The following GPR75 variants were observed in gnomAD, a reference collection of about 807,000 sequenced individuals.
The protein encoded by GPR75 is probable G protein-coupled receptor 75.
A neutral mutation model predicts 26.0 loss-of-function variants in GPR75; 27 were observed. The ratio of observed to expected loss-of-function variants is 1.04; its 90% CI spans 0.77 to 1.43. The LOEUF (loss-of-function observed/expected upper bound fraction) is 1.43. Ranked by LOEUF, GPR75 falls within the 40% of genes most tolerant of loss-of-function variation. The pLI is 0.00. For missense variants in GPR75, 699 were observed against 662.3 expected (o/e 1.06, Z -0.61); for synonymous variants, 285 against 256.3 (o/e 1.11, Z -1.07).
chr2:53,853,992 G>A lies in GPR75; in HGVS notation c.765C>T (p.Val255=). Residue 255 remains valine (V), a synonymous_variant, in exon 2 of 2, where the codon GTC becomes GTT. Coordinates refer to ENST00000394705, the MANE Select transcript of GPR75 (RefSeq NM_006794.4). ...DASRPQPFMG[V]PVQGGGDPIQ... is the part of the protein sequence containing the mutation. ...TGGGATCTCCACCTCCCTGCACAGG[G>A]ACCCCCATGAAAGGCTGTGGTCTGG... The A allele has an allele frequency of 1.2e-6, 2 of 1,614,172 alleles. No homozygotes were observed. Among genetic ancestry groups the A allele is most frequent in the South Asian group, 1.1e-5 (1 of 91,084 alleles).
chr2:53,858,172 C>G (rs951479357), intron 1 of GPR75, among the ~76,000 whole-genome samples: 1 of 152,064 alleles, frequency 6.6e-6, no homozygotes, highest in African/African-American at 2.4e-5. Context: ...CCATGCTAAC[C>G]CGAACAACAA....
In GPR75 at chr2:53,853,088, T is replaced by C; in HGVS notation, c.*46A>G. 2 of 1,389,270 alleles carry C rather than the reference T, an allele frequency of 1.4e-6. No individual in the cohort carries two copies. The highest frequency in any genetic ancestry group is 2.0e-6 in the Non-Finnish European group (2 of 1,000,362). 86.1% of individuals were successfully genotyped at this position (1,389,270 alleles called of 1,614,324 possible). A position where few individuals can be genotyped will look rare whatever the true frequency, so the allele number is the denominator to read the frequency against. The stretch of plus-strand genomic sequence containing the variant: ...CAAGTTAGAATAAAGTCCATTACTA[T>C]CAGAAACAAAAACTGTTTACATAAG... On this transcript the variant is annotated 3_prime_UTR_variant, in exon 2 of 2. Coordinates refer to ENST00000394705, the MANE Select transcript of GPR75 (RefSeq NM_006794.4).
chr2:53,854,099 C>A lies in GPR75; in HGVS notation c.658G>T (p.Val220Phe). ...DFTFCVAVVS[V>F]SYIMIAQTLR... Reference sequence around the variant, plus strand: ...GTCTGAGCAATCATGATGTAAGAGACAGAGACCACAGCAACACAGAAGGTG... The same window carrying A: ...GTCTGAGCAATCATGATGTAAGAGAAAGAGACCACAGCAACACAGAAGGTG... Residue 220 changes from valine to phenylalanine, a missense_variant, in exon 2 of 2, where the codon GTC becomes TTC. Physicochemically the swap from Val to Phe is conservative, Grantham distance 50. Coordinates refer to ENST00000394705, the MANE Select transcript of GPR75 (RefSeq NM_006794.4). 1.2e-6 allele frequency: 2 copies of A among 1,614,140 alleles called. No homozygotes were observed. Among genetic ancestry groups the A allele is most frequent in the Non-Finnish European group, 1.7e-6 (2 of 1,180,018 alleles).
chr2:53,854,430 T>G lies in GPR75; in HGVS notation c.327A>C (p.Ser109=). The change falls in exon 2 of 2, where the codon TCA becomes TCC. Residue 109 remains serine (S), a synonymous_variant. Transcript: ENST00000394705. ...AGAAAGCATCCGGGATACTACTGGC[T>G]GAGCTGAAGAATAACACAAAGGTGA... The part of the protein sequence containing the change: ...PMFTFVLFFS[S]ASSIPDAFCF... The G allele has an allele frequency of 6.2e-7, 1 of 1,614,106 alleles. No individual in the cohort carries two copies. The highest frequency in any genetic ancestry group is 8.5e-7 in the Non-Finnish European group (1 of 1,179,968).
rs148313770 is a variant in GPR75 at position 53,853,623 on chromosome 2, C to G, written c.1134G>C (p.Arg378=). The change falls in exon 2 of 2, where the codon CGG becomes CGC. Residue 378 remains arginine (R), a synonymous_variant. Transcript: ENST00000394705. ...CTTTCCTTCTCAGCCCTGCACTGTT[C>G]CGAGAATATATAAAAGGGTTTAATC... The part of the protein sequence containing the change: ...KSGLNPFIYS[R]NSAGLRRKVL... 13 of 1,613,808 alleles carry G rather than the reference C, an allele frequency of 8.1e-6. No individual in the cohort carries two copies. Among genetic ancestry groups the G allele is most frequent in the African/African-American group, 1.3e-5 (1 of 74,866 alleles).
Position 53,853,454 on chromosome 2 carries a change from G to C in GPR75, c.1303C>G (p.Pro435Ala). 6.2e-7 allele frequency: 1 copy of C among 1,614,114 alleles called. No homozygotes were observed. Among genetic ancestry groups the C allele is most frequent in the Non-Finnish European group, 8.5e-7 (1 of 1,179,998 alleles). ...HETNSAYMLS[P>A]KPQKKFVDQA... is the part of the protein sequence containing the mutation. The stretch of plus-strand genomic sequence containing the variant: ...TCCACAAATTTCTTCTGTGGCTTTG[G>C]AGATAACATGTAGGCAGAGTTTGTT... The change falls in exon 2 of 2, where the codon CCA becomes GCA. Residue 435 changes from proline (P) to alanine (A), a missense_variant. Coordinates refer to ENST00000394705, the MANE Select transcript of GPR75 (RefSeq NM_006794.4).
chr2:53,854,505 CAGG>C lies in GPR75; in HGVS notation c.249_251del (p.Ile83_Leu84delinsMet). The stretch of plus-strand genomic sequence containing the variant: ...TGAAGAGGTCACAGAAGGACAGGTT[CAGG>C]ATCATGAAATCAAAGTTGGTTCTGA... On this transcript the variant is annotated inframe_deletion, in exon 2 of 2. Coordinates refer to ENST00000394705, the MANE Select transcript of GPR75 (RefSeq NM_006794.4). 6.2e-7 allele frequency: 1 copy of C among 1,614,096 alleles called. No individual in the cohort carries two copies. The highest frequency in any genetic ancestry group is 8.5e-7 in the Non-Finnish European group (1 of 1,180,006).
At chr2:53,859,262 A>G (rs1448302178) in intron 1 of GPR75, among the ~76,000 whole-genome samples, 1 of 152,032 alleles carries the variant, frequency 6.6e-6, no homozygotes, top group Non-Finnish European at 1.5e-5. Context: ...TCTATCGATC[A>G]GGAAAACCTC....
Position 53,853,569 on chromosome 2 carries a change from C to G in GPR75, c.1188G>C (p.Leu396=), listed in dbSNP as rs751889166. 4.3e-6 allele frequency: 7 copies of G among 1,614,168 alleles called. No homozygotes were observed. The Admixed American group carries it at 5.0e-5, about 12-fold the overall frequency. Residue 396 remains leucine (L), a synonymous_variant, in exon 2 of 2, where the codon CTG becomes CTC. Transcript: ENST00000394705. ...KVLWCLQYIG[L]GFFCCKQKTR... ...TCTTTTGTTTGCAGCAGAAAAAACC[C>G]AGGCCTATGTATTGGAGGCACCAGA... is the stretch of plus-strand genomic sequence containing the variant.
chr2:53,855,025 T>C (rs1359006416), intron 1 of GPR75, among the ~76,000 whole-genome samples, 160 bp from the exon 2 acceptor site: 1 of 152,184 alleles, frequency 6.6e-6, no homozygotes, highest in Non-Finnish European at 1.5e-5. Context: ...CTTACCATGT[T>C]GCCCAGGCTG....
At position 53,854,731 on chromosome 2, in the gene GPR75, T is replaced by A. The variant is rs953013906; in HGVS notation, c.26A>T (p.Asp9Val). 7 of 1,613,626 alleles carry A rather than the reference T, an allele frequency of 4.3e-6. No homozygotes were observed. The highest frequency in any genetic ancestry group is 1.7e-5 in the Admixed American group (1 of 60,000). Reference protein sequence around the residue: MNSTGHLQDAPNATSLHVP... With the variant: MNSTGHLQVAPNATSLHVP... ...ATGGAGCGAGGTGGCATTGGGGGCA[T>A]CCTGAAGGTGGCCTGTTGAGTTCAT... Residue 9 changes from aspartate (D) to valine (V), a missense_variant, in exon 2 of 2, where the codon GAT (aspartate) becomes GTT (valine). Asp to Val is a radical substitution (Grantham distance 152). Transcript: ENST00000394705.
Position 53,853,132 on chromosome 2 carries a change from C to G in GPR75, c.*2G>C, listed in dbSNP as rs1678131397. On this transcript the variant is annotated 3_prime_UTR_variant, in exon 2 of 2. Transcript: ENST00000394705. ...ACATAAGATCCTATAGCCTCCATGA[C>G]TTTAAACGGAGGGGACTGGAATCTG... 1 of 1,608,006 alleles carries G rather than the reference C, an allele frequency of 6.2e-7. No homozygotes were observed. Among genetic ancestry groups the G allele is most frequent in the Admixed American group, 1.7e-5 (1 of 59,898 alleles).
chr2:53,858,305 G>T (rs1165998329), intron 1 of GPR75, among the ~76,000 whole-genome samples: 1 of 151,792 alleles, frequency 6.6e-6, no homozygotes, highest in East Asian at 1.9e-4. Flanking sequence ...ATAATCCTAT[G>T]AATAGGTATT....
intron 1 of GPR75, 57 bp downstream of exon 1, chr2:53,859,771 G>T: frequency 3.7e-6 from 5 of 1,367,008 alleles, no homozygotes; most frequent in Non-Finnish European, 5.0e-6. Flanking sequence ...GCCAGCCTCC[G>T]GGAGCCGTCT....
chr2:53,854,811 G>T lies in GPR75; in HGVS notation c.-55C>A, dbSNP rs1264629540. On this transcript the variant is annotated 5_prime_UTR_variant, in exon 2 of 2. Transcript: ENST00000394705. Reference sequence around the variant, plus strand: ...TCCCCAAAAATACTCAGTGAGTCAGGGCCTCAGCTCACAGATGAGCAATAT... The same window carrying T: ...TCCCCAAAAATACTCAGTGAGTCAGTGCCTCAGCTCACAGATGAGCAATAT... 6 of 1,408,760 alleles carry T rather than the reference G, an allele frequency of 4.3e-6. No homozygotes were observed. The East Asian group carries it at 1.4e-4, about 32-fold the overall frequency. 87.3% of individuals were successfully genotyped at this position (1,408,760 alleles called of 1,614,324 possible). A position where few individuals can be genotyped will look rare whatever the true frequency, so the allele number is the denominator to read the frequency against.
intron 1 of GPR75, among the ~76,000 whole-genome samples, chr2:53,856,962 T>TTC (rs1207278126): frequency 7.8e-6 from 1 of 128,966 alleles, no homozygotes; most frequent in African/African-American, 2.9e-5. Flanking sequence ...TTTTTTTTTT[T>TTC]TTTTTTTTTT....
At position 53,854,124 on chromosome 2, in the gene GPR75, G is replaced by A; in HGVS notation, c.633C>T (p.Phe211=). ...KAILSLYVVD[F]TFCVAVVSVS... ...CAGAGACCACAGCAACACAGAAGGT[G>A]AAGTCGACCACATAGAGAGACAAAA... Residue 211 remains phenylalanine (F), a synonymous_variant, in exon 2 of 2, where the codon TTC becomes TTT. Transcript: ENST00000394705. 1 of 1,614,186 alleles carries A rather than the reference G, an allele frequency of 6.2e-7. No individual in the cohort carries two copies. The highest frequency in any genetic ancestry group is 8.5e-7 in the Non-Finnish European group (1 of 1,180,038).
In GPR75 at chr2:53,853,148, C is replaced by T; in HGVS notation, c.1609G>A (p.Val537Ile). The change falls in exon 2 of 2, where the codon GTC (valine) becomes ATC (isoleucine). Residue 537 changes from valine to isoleucine, a missense_variant. Transcript: ENST00000394705. ...YDSTSAKQIP[V>I]PSV is the part of the protein sequence containing the mutation. ...CCTCCATGACTTTAAACGGAGGGGA[C>T]TGGAATCTGCTTGGCTGAAGTGCTG... The T allele has an allele frequency of 6.2e-7, 1 of 1,613,068 alleles. No individual in the cohort carries two copies. The highest frequency in any genetic ancestry group is 8.5e-7 in the Non-Finnish European group (1 of 1,179,124).
rs1678329765 is a variant in GPR75 at position 53,859,770 on chromosome 2, C to G, written c.-110+58G>C. ...CGCTCCTCGCTATCCCGCCAGCCTC[C>G]GGGAGCCGTCTCCGGCATCGTGGGG... On this transcript the variant is annotated intron_variant, in intron 1 of 1. Coordinates refer to ENST00000394705, the MANE Select transcript of GPR75 (RefSeq NM_006794.4). 2.2e-6 allele frequency: 3 copies of G among 1,363,576 alleles called. No individual in the cohort carries two copies. The African/African-American group carries it at 4.4e-5, about 20-fold the overall frequency. The allele number at this position is 1,363,576 out of a possible 1,614,324, so 84.5% of individuals were successfully genotyped here. A position where few individuals can be genotyped will look rare whatever the true frequency, so the allele number is the denominator to read the frequency against.
Sources: allele counts gnomAD v4.1 joint callset (sites outside exome capture counted in the v4.1 genomes callset), GRCh38; gene constraint gnomAD v4.1.1; transcripts MANE v1.5; gene names NCBI Gene and HGNC (gene_info 2026-07-23, HGNC 2026-07-21).